DENND11: variants seen among roughly 807,000 people sequenced by gnomAD.
DENND11 encodes DENN domain containing 11.
Under a neutral mutation model 49.2 loss-of-function variants are expected in DENND11, and 34 were observed. The observed-to-expected ratio is 0.69, with a 90% confidence interval of 0.53 to 0.92. DENND11 has a LOEUF of 0.92. Among genes scored for constraint, DENND11 ranks in the 40% least tolerant of loss-of-function variants. The pLI is 0.00. For missense variants in DENND11, 475 were observed against 581.6 expected (o/e 0.82, Z 1.88); for synonymous variants, 238 against 230.3 (o/e 1.03, Z -0.30).
At chr7:141,696,308 A>G (rs1798412856) in intron 1 of DENND11, among the ~76,000 whole-genome samples, 1 of 152,244 alleles carries the variant, frequency 6.6e-6, no homozygotes, top group South Asian at 2.1e-4. Flanking sequence ...CCAAACCCCC[A>G]GCTGTCTTAA....
chr7:141,687,704 G>A (rs1247856723), intron 1 of DENND11, among the ~76,000 whole-genome samples: 8 of 143,980 alleles, frequency 5.6e-5, no homozygotes, highest in Non-Finnish European at 9.0e-5. Flanking sequence ...GCGCGATCTC[G>A]GCTCAATGCA....
intron 1 of DENND11, among the ~76,000 whole-genome samples, chr7:141,700,489 AAAG>A (rs1341781507): frequency 2.0e-5 from 3 of 152,002 alleles, no homozygotes; most frequent in South Asian, 4.2e-4. Context: ...AAAAAAAAAA[AAAG>A]AGAGAGAAAA....
At chr7:141,695,809 C>G (rs1012254387) in intron 1 of DENND11, among the ~76,000 whole-genome samples, 5 of 152,182 alleles carry the variant, frequency 3.3e-5, no homozygotes, top group African/African-American at 1.2e-4. Flanking sequence ...TCATCTTGGA[C>G]CATGACTTGG....
chr7:141,661,769 C>G lies in DENND11; in HGVS notation c.*887G>C, dbSNP rs1439060538. 6.6e-6 allele frequency: 1 copy of G among 152,250 alleles called. No individual in the cohort carries two copies. The highest frequency in any genetic ancestry group is 2.1e-4 in the South Asian group (1 of 4,834). The allele number at this position is 152,250 out of a possible 1,614,324, so 9.4% of individuals were successfully genotyped here. A position where few individuals can be genotyped will look rare whatever the true frequency, so the allele number is the denominator to read the frequency against. ...GAGTGGCTTCTCCATCCTGCTCGAACTTCAATTGCTCTATCCTCCGGTAGT... is the reference window on the plus strand; with the variant it reads ...GAGTGGCTTCTCCATCCTGCTCGAAGTTCAATTGCTCTATCCTCCGGTAGT... On this transcript the variant is annotated 3_prime_UTR_variant, in exon 9 of 9. Coordinates refer to ENST00000536163, the MANE Select transcript of DENND11 (RefSeq NM_001080392.2).
chr7:141,694,083 T>G (rs1257978530), intron 1 of DENND11, among the ~76,000 whole-genome samples: 4 of 152,160 alleles, frequency 2.6e-5, no homozygotes, highest in Non-Finnish European at 5.9e-5. Context: ...GGAGGTAGTA[T>G]ATGGGAACTC....
chr7:141,664,258 G>GT lies in DENND11; in HGVS notation c.1104-19dup. 1 of 1,567,298 alleles carries GT rather than the reference G, an allele frequency of 6.4e-7. No homozygotes were observed. Reference sequence around the variant, plus strand: ...GCATCTGCCTGTTGGGAAGATCACCGTGAGACTCTGGTGCAGGTACCAGGA... The same window carrying GT: ...GCATCTGCCTGTTGGGAAGATCACCGTTGAGACTCTGGTGCAGGTACCAGGA... On this transcript the variant is annotated intron_variant, in intron 7 of 8. Coordinates refer to ENST00000536163, the MANE Select transcript of DENND11 (RefSeq NM_001080392.2).
intron 4 of DENND11, among the ~76,000 whole-genome samples, chr7:141,672,840 C>A (rs1356363181): frequency 1.3e-5 from 2 of 152,188 alleles, no homozygotes; most frequent in East Asian, 1.9e-4. Flanking sequence ...AGCCTTCCAA[C>A]TCCTATATTA....
rs147453726 is a variant in DENND11, at chr7:141,697,851, C to T, written c.268+4035G>A. Among the ~76,000 whole-genome samples the T allele has an allele frequency of 2.2e-4, 33 of 152,252 alleles. 1 individual carries two copies. In the East Asian group the frequency reaches 3.3e-3, roughly 15 times the overall value. On this transcript the variant is annotated intron_variant, in intron 1 of 8. Transcript: ENST00000536163. ...TACTCATGTGACATAAACATAGAAGCGCTCGGATACATTAAATTAAATAGG... is the reference window on the plus strand; with the variant it reads ...TACTCATGTGACATAAACATAGAAGTGCTCGGATACATTAAATTAAATAGG...
rs868744684 is a variant in DENND11 at position 141,660,904 on chromosome 7, A to C, written c.*1752T>G. On this transcript the variant is annotated 3_prime_UTR_variant, in exon 9 of 9. Transcript: ENST00000536163. Reference sequence around the variant, plus strand: ...GACAGCAACCCACATTGCAGAGGAGAAAAGTCTATTAGCTGTACAGTTTAC... The same window carrying C: ...GACAGCAACCCACATTGCAGAGGAGCAAAGTCTATTAGCTGTACAGTTTAC... 1 of 152,586 alleles carries C rather than the reference A, an allele frequency of 6.6e-6. No homozygotes were observed. Among genetic ancestry groups the C allele is most frequent in the Non-Finnish European group, 1.5e-5 (1 of 68,022 alleles). The allele number at this position is 152,586 out of a possible 1,614,324, so 9.5% of individuals were successfully genotyped here. A position where few individuals can be genotyped will look rare whatever the true frequency, so the allele number is the denominator to read the frequency against.
intron 4 of DENND11, among the ~76,000 whole-genome samples, chr7:141,666,906 A>G (rs1405034699): frequency 6.6e-6 from 1 of 152,108 alleles, no homozygotes; most frequent in Non-Finnish European, 1.5e-5. Flanking sequence ...CCCCTGCTGC[A>G]CTTCACCTCT....
chr7:141,658,963 T>C lies in DENND11; in HGVS notation c.*3693A>G, dbSNP rs1036683126. 2.0e-5 allele frequency: 3 copies of C among 152,622 alleles called. No individual in the cohort carries two copies. The highest frequency in any genetic ancestry group is 4.4e-5 in the Non-Finnish European group (3 of 68,036). The allele number at this position is 152,622 out of a possible 1,614,324, so 9.5% of individuals were successfully genotyped here. ...TAGCCACCAGAAGGAAAAACAATGA[T>C]TTAGCTAAGATTTAATTTATCTTCT... On this transcript the variant is annotated 3_prime_UTR_variant, in exon 9 of 9. Transcript: ENST00000536163.
intron 3 of DENND11, among the ~76,000 whole-genome samples, chr7:141,678,718 C>T (rs1208631226): frequency 6.6e-6 from 1 of 152,182 alleles, no homozygotes; most frequent in Non-Finnish European, 1.5e-5. Flanking sequence ...AACACATAAT[C>T]ACCATGCCAT....
At chr7:141,690,850 T>A (rs948721471) in intron 1 of DENND11, among the ~76,000 whole-genome samples, 3 of 152,232 alleles carry the variant, frequency 2.0e-5, no homozygotes, top group Non-Finnish European at 4.4e-5. Flanking sequence ...AATATGCCAC[T>A]CTGCATCGTG....
At chr7:141,666,484 T>C (rs1461342765) in intron 4 of DENND11, 59 bp from the exon 5 acceptor site, 6 of 1,440,686 alleles carry the variant, frequency 4.2e-6, no homozygotes, top group Admixed American at 2.2e-5. Flanking sequence ...CTTAGAAATA[T>C]AGCAAAAGGT....
intron 1 of DENND11, 68 bp downstream of exon 1, chr7:141,701,818 C>A: frequency 8.9e-7 from 1 of 1,127,790 alleles, no homozygotes; most frequent in Non-Finnish European, 1.1e-6. Flanking sequence ...CGAGCCCCTC[C>A]CCCGCGCCCC....
Position 141,662,651 on chromosome 7 carries a change from T to G in DENND11, c.*5A>C. 1.9e-6 allele frequency: 3 copies of G among 1,556,134 alleles called. No individual in the cohort carries two copies. The highest frequency in any genetic ancestry group is 2.6e-6 in the Non-Finnish European group (3 of 1,150,724). ...TGAAGTGGCTCCCAGTCCTGTTGGC[T>G]CCTCCTACGGGCAACAGGGGTTGTC... On this transcript the variant is annotated 3_prime_UTR_variant, in exon 9 of 9. Transcript: ENST00000536163.
chr7:141,696,589 A>C (rs1382551414), intron 1 of DENND11, among the ~76,000 whole-genome samples: 1 of 152,000 alleles, frequency 6.6e-6, no homozygotes, highest in Non-Finnish European at 1.5e-5. Context: ...TGGAACTCCC[A>C]CCCCAGCACG....
At chr7:141,666,936 T>C (rs1043972549) in intron 4 of DENND11, among the ~76,000 whole-genome samples, 7 of 152,068 alleles carry the variant, frequency 4.6e-5, no homozygotes, top group African/African-American at 1.7e-4. Flanking sequence ...TCCTTCTTTT[T>C]TTGAGATGGA....
intron 3 of DENND11, among the ~76,000 whole-genome samples, chr7:141,676,830 CG>C (rs1798066085): frequency 6.6e-6 from 1 of 152,130 alleles, no homozygotes; most frequent in Admixed American, 6.6e-5. Context: ...ACCACCACAC[CG>C]AAATGCATGC....
Sources: allele counts gnomAD v4.1 joint callset (sites outside exome capture counted in the v4.1 genomes callset), GRCh38; gene constraint gnomAD v4.1.1; transcripts MANE v1.5; gene names NCBI Gene and HGNC (gene_info 2026-07-23, HGNC 2026-07-21).